FSTL4: variants seen among roughly 807,000 people sequenced by gnomAD.
FSTL4 encodes the protein follistatin-related protein 4.
Under a neutral mutation model 78.2 loss-of-function variants are expected in FSTL4, and 28 were observed. The ratio of observed to expected loss-of-function variants is 0.36; its 90% CI spans 0.27 to 0.49. The LOEUF (loss-of-function observed/expected upper bound fraction) is 0.49. FSTL4 is among the 20% of genes least tolerant of loss of function. The probability of loss-of-function intolerance (pLI) is 0.98; values close to 1 mark genes in which losing one functional copy is unlikely to be tolerated. For missense variants in FSTL4, 922 were observed against 1,084.9 expected, an observed-to-expected ratio of 0.85 and a Z score of 2.11; for synonymous variants, 422 against 440.5, an observed-to-expected ratio of 0.96 and a Z score of 0.53.
intron 12 of FSTL4, among the ~76,000 whole-genome samples, chr5:133,219,812 T>G (rs1164212351): frequency 1.3e-5 from 2 of 152,258 alleles, no homozygotes; most frequent in Non-Finnish European, 2.9e-5. Flanking sequence ...ATGAGAAATT[T>G]GTGCCAATGT....
the FSTL4 span, among the ~76,000 whole-genome samples, chr5:133,832,576 C>T: frequency 6.6e-6 from 1 of 152,218 alleles, no homozygotes; most frequent in Non-Finnish European, 1.5e-5. Context: ...TAGGAATTTA[C>T]CTTCGCTCTG....
At chr5:133,824,673 C>T in the FSTL4 span, among the ~76,000 whole-genome samples, 1 of 152,302 alleles carries the variant, frequency 6.6e-6, no homozygotes, top group Non-Finnish European at 1.5e-5. Flanking sequence ...ACTGGAAGCA[C>T]CTGCTTGTGT....
chr5:133,430,462 T>C (rs1365361001), intron 3 of FSTL4, among the ~76,000 whole-genome samples: 1 of 152,168 alleles, frequency 6.6e-6, no homozygotes, highest in African/African-American at 2.4e-5. Context: ...AATTCATCAC[T>C]ATCATCTCAG....
intron 14 of FSTL4, among the ~76,000 whole-genome samples, chr5:133,207,368 CTT>C (rs1020743307): frequency 6.6e-6 from 1 of 152,202 alleles, no homozygotes; most frequent in Admixed American, 6.5e-5. Flanking sequence ...TGCATGCATG[CTT>C]TTTTGTTCAC....
intron 3 of FSTL4, among the ~76,000 whole-genome samples, chr5:133,432,246 C>A (rs1756955239): frequency 6.6e-6 from 1 of 152,160 alleles, no homozygotes; most frequent in Non-Finnish European, 1.5e-5. Context: ...AATTTGGAAT[C>A]CAGATGTGAC....
At chr5:133,491,385 C>T (rs560476244) in intron 3 of FSTL4, among the ~76,000 whole-genome samples, 13 of 151,076 alleles carry the variant, frequency 8.6e-5, no homozygotes, top group Non-Finnish European at 1.6e-4. Context: ...ATTAATGTTA[C>T]TACAAACAAT....
At chr5:133,601,662 C>T (rs1419896320) in intron 2 of FSTL4, among the ~76,000 whole-genome samples, 2 of 151,150 alleles carry the variant, frequency 1.3e-5, no homozygotes, top group Non-Finnish European at 2.9e-5. Context: ...TTTTTTCCTT[C>T]GAGTTTTTTC....
chr5:133,210,369 A>C (rs1750668669), intron 13 of FSTL4, 71 bp from the exon 14 acceptor site: 3 of 867,898 alleles, frequency 3.5e-6, no homozygotes, highest in Non-Finnish European at 5.8e-6. Context: ...ATGCATGGGC[A>C]TCACTCCTGG....
chr5:133,654,036 C>G, the FSTL4 span, among the ~76,000 whole-genome samples: 1 of 152,300 alleles, frequency 6.6e-6, no homozygotes, highest in South Asian at 2.1e-4. Context: ...GAAGAAAACT[C>G]TAGGGGCCCT....
chr5:133,203,068 A>G (rs998420467), intron 14 of FSTL4, among the ~76,000 whole-genome samples: 1 of 152,202 alleles, frequency 6.6e-6, no homozygotes, highest in African/African-American at 2.4e-5. Context: ...TGCCTTCTGC[A>G]TATGCTCATC....
At chr5:133,441,235 G>C (rs1184683825) in intron 3 of FSTL4, among the ~76,000 whole-genome samples, 2 of 152,142 alleles carry the variant, frequency 1.3e-5, no homozygotes, top group Non-Finnish European at 2.9e-5. Flanking sequence ...TCCTGCACCT[G>C]AGGGGTGCAG....
intron 3 of FSTL4, among the ~76,000 whole-genome samples, chr5:133,518,612 C>T (rs1758910368): frequency 6.6e-6 from 1 of 152,286 alleles, no homozygotes; most frequent in Non-Finnish European, 1.5e-5. Context: ...TTCTGCTCTA[C>T]ACTCCAACAA....
chr5:133,327,621 G>A lies in FSTL4; in HGVS notation c.410-10969C>T, dbSNP rs1002196287. Among the ~76,000 whole-genome samples, 7 of 152,266 alleles carry A rather than the reference G, an allele frequency of 4.6e-5. No individual in the cohort carries two copies. The East Asian group carries it at 1.3e-3, about 29-fold the overall frequency. ...TCCAACATCCTGGCTCTTGCTTCCC[G>A]GTAAGGCATGGATGTGCTGGTTCCT... is the stretch of plus-strand genomic sequence containing the variant. On this transcript the variant is annotated intron_variant, in intron 4 of 15. Transcript: ENST00000265342.
the FSTL4 span, among the ~76,000 whole-genome samples, chr5:133,731,904 T>G: frequency 2.0e-5 from 3 of 152,168 alleles, no homozygotes; most frequent in Admixed American, 2.0e-4. Context: ...TTCCTCTCCC[T>G]TATTCTAAGA....
chr5:133,424,124 C>T (rs1002110645), intron 3 of FSTL4, among the ~76,000 whole-genome samples: 7 of 152,194 alleles, frequency 4.6e-5, no homozygotes, highest in African/African-American at 1.4e-4. Context: ...GTGCCTGTCC[C>T]CAAGATTTCA....
chr5:133,399,572 C>T (rs375349591), intron 4 of FSTL4, among the ~76,000 whole-genome samples: 2 of 152,196 alleles, frequency 1.3e-5, no homozygotes, highest in African/African-American at 4.8e-5. Context: ...GCCATGAATC[C>T]GCCTCCGCTC....
chr5:133,264,749 A>G (rs1029076927), intron 6 of FSTL4, among the ~76,000 whole-genome samples: 14 of 152,108 alleles, frequency 9.2e-5, no homozygotes, highest in African/African-American at 3.4e-4. Flanking sequence ...CTATCATGTC[A>G]TGTATGCTTT....
intron 3 of FSTL4, among the ~76,000 whole-genome samples, chr5:133,553,041 C>T (rs1759719338): frequency 1.3e-5 from 2 of 152,210 alleles, no homozygotes; most frequent in Non-Finnish European, 2.9e-5. Context: ...TGTGCTCCAA[C>T]TGCAGCGGCT....
the FSTL4 span, among the ~76,000 whole-genome samples, chr5:133,833,517 C>A: frequency 6.6e-6 from 1 of 152,192 alleles, no homozygotes. Flanking sequence ...AGAGTCATGA[C>A]CTTTCTTTTC....
Sources: gnomAD v4.1 joint callset for allele counts (sites outside exome capture counted in the v4.1 genomes callset) on GRCh38, gnomAD v4.1.1 for gene constraint, MANE v1.5 for transcripts, NCBI Gene and HGNC (gene_info 2026-07-23, HGNC 2026-07-21) for gene names.